The following TRAPPC9 variants were observed in gnomAD, a reference collection of about 807,000 sequenced individuals.
TRAPPC9 encodes IKK2 binding protein.
Under a neutral mutation model 124.0 loss-of-function variants are expected in TRAPPC9, and 83 were observed. The observed-to-expected ratio is 0.67, with a 90% CI of 0.56 to 0.80. The LOEUF (loss-of-function observed/expected upper bound fraction) is 0.80. TRAPPC9 is among the 30% of genes least tolerant of loss of function. The probability of loss-of-function intolerance (pLI) is 0.00; values close to 1 mark genes in which losing one functional copy is unlikely to be tolerated. For missense variants in TRAPPC9, 1,302 were observed against 1,508.3 expected (o/e 0.86, Z 2.27); for synonymous variants, 638 against 617.5 (o/e 1.03, Z -0.49).
chr8:139,956,374 G>A (rs2665925), intron 19 of TRAPPC9, among the ~76,000 whole-genome samples: 135,129 of 152,092 alleles, frequency 0.89, 60,178 homozygotes, highest in Middle Eastern at 0.99. Context: ...TGTTTGCCAC[G>A]CTGGTCTCAA....
In TRAPPC9 at chr8:140,037,340, T is replaced by C. The variant is rs1158280339; in HGVS notation, c.2557-13261A>G. ...TGGAAAGAGTGCTGTAAGTACCAGC[T>C]AATATTATTATTACTAAATCAGTAT... On this transcript the variant is annotated intron_variant, in intron 17 of 22. Coordinates refer to ENST00000438773, the MANE Select transcript of TRAPPC9 (RefSeq NM_001160372.4). 2.0e-5 allele frequency among the ~76,000 whole-genome samples: 3 copies of C among 151,548 alleles called. No individual in the cohort carries two copies. In the East Asian group the frequency reaches 5.8e-4, roughly 30 times the overall value.
At chr8:140,121,300 G>A (rs937997205) in intron 17 of TRAPPC9, among the ~76,000 whole-genome samples, 1 of 152,232 alleles carries the variant, frequency 6.6e-6, no homozygotes, top group East Asian at 1.9e-4. Context: ...CATGGGCCTG[G>A]GTGTTGTTGG....
At chr8:140,261,032 A>G (rs2064393753) in intron 15 of TRAPPC9, among the ~76,000 whole-genome samples, 2 of 152,234 alleles carry the variant, frequency 1.3e-5, no homozygotes, top group African/African-American at 4.8e-5. Context: ...AGCTCTTTGA[A>G]CATGGGCAGT....
At chr8:139,932,905 TA>T (rs3060603) in intron 19 of TRAPPC9, 62,061 of 152,970 alleles carry the variant, frequency 0.41, 11,747 homozygotes, top group East Asian at 0.66. Context: ...CATAAGCTGG[TA>T]AAAAAAAAAA....
intron 17 of TRAPPC9, among the ~76,000 whole-genome samples, chr8:140,138,011 TAGC>T (rs1240761960): frequency 6.6e-6 from 1 of 152,208 alleles, no homozygotes; most frequent in Non-Finnish European, 1.5e-5. Context: ...ATAATTAAAA[TAGC>T]AGCTGACCGG....
intron 14 of TRAPPC9, among the ~76,000 whole-genome samples, chr8:140,276,866 T>C (rs1213994077): frequency 6.6e-6 from 1 of 152,100 alleles, no homozygotes; most frequent in East Asian, 1.9e-4. Context: ...CCCCACTACC[T>C]TCTTCCTGTC....
At chr8:140,331,262 A>G (rs2066888180) in intron 9 of TRAPPC9, among the ~76,000 whole-genome samples, 2 of 152,192 alleles carry the variant, frequency 1.3e-5, no homozygotes, top group South Asian at 2.1e-4. Flanking sequence ...AAAACTGGAT[A>G]TAAGTATGCA....
At chr8:140,031,248 A>T (rs1305485312) in intron 17 of TRAPPC9, among the ~76,000 whole-genome samples, 1 of 152,104 alleles carries the variant, frequency 6.6e-6, no homozygotes, top group African/African-American at 2.4e-5. Flanking sequence ...GCTTCATGTG[A>T]CCTGGGAGAA....
chr8:139,947,922 AGC>A (rs1554419341), intron 19 of TRAPPC9, among the ~76,000 whole-genome samples: 1,519 of 77,030 alleles, frequency 0.02, 95 homozygotes, highest in African/African-American at 0.062. Context: ...AGAGAGAGAG[AGC>A]GAGAGAGAGA....
intron 17 of TRAPPC9, among the ~76,000 whole-genome samples, chr8:140,147,876 C>T (rs969877314): frequency 6.6e-6 from 1 of 152,242 alleles, no homozygotes; most frequent in Non-Finnish European, 1.5e-5. Context: ...GTGACCAGAC[C>T]CGGCAGGTCT....
At chr8:140,197,373 G>A (rs374948084) in intron 17 of TRAPPC9, among the ~76,000 whole-genome samples, 5 of 152,330 alleles carry the variant, frequency 3.3e-5, no homozygotes, top group African/African-American at 1.2e-4. Flanking sequence ...AGCCTGTAAA[G>A]AGGGCAGGGC....
intron 21 of TRAPPC9, among the ~76,000 whole-genome samples, chr8:139,738,109 G>A (rs1399600237): frequency 1.3e-5 from 2 of 152,194 alleles, no homozygotes; most frequent in Non-Finnish European, 2.9e-5. Flanking sequence ...CAGGGCCTCT[G>A]GGGATGTTGG....
chr8:140,272,130 C>CGATGATGATGGTGATGGTGGT (rs2064930084), intron 15 of TRAPPC9, among the ~76,000 whole-genome samples: 1,602 of 100,432 alleles, frequency 0.016, 31 homozygotes, highest in African/African-American at 0.052. Flanking sequence ...GTGATGGTGG[C>CGATGATGATGGTGATGGTGGT]GATGGTGATG....
At chr8:139,737,471 C>CCCCCA (rs1554633762) in intron 21 of TRAPPC9, among the ~76,000 whole-genome samples, 1 of 111,036 alleles carries the variant, frequency 9.0e-6, no homozygotes, top group Non-Finnish European at 2.1e-5. Context: ...AGCCCTCCCC[C>CCCCCA]CCCCCCCACG....
At chr8:139,816,335 G>A (rs1487667081) in intron 21 of TRAPPC9, among the ~76,000 whole-genome samples, 4 of 152,242 alleles carry the variant, frequency 2.6e-5, no homozygotes, top group Non-Finnish European at 4.4e-5. Context: ...TGCTGGTGAG[G>A]CTTTGGGGAA....
intron 19 of TRAPPC9, among the ~76,000 whole-genome samples, chr8:139,983,365 C>A (rs1338256403): frequency 6.6e-6 from 1 of 152,178 alleles, no homozygotes; most frequent in Non-Finnish European, 1.5e-5. Context: ...AGCAACTCAG[C>A]ATTTCCATAT....
chr8:140,107,820 G>A (rs1376796811), intron 17 of TRAPPC9, among the ~76,000 whole-genome samples: 1 of 152,302 alleles, frequency 6.6e-6, no homozygotes, highest in East Asian at 1.9e-4. Flanking sequence ...CTGACTGGGG[G>A]TCACGGAGGC....
chr8:139,786,011 A>G (rs1256845110), intron 21 of TRAPPC9, among the ~76,000 whole-genome samples: 8 of 152,058 alleles, frequency 5.3e-5, no homozygotes, highest in African/African-American at 1.7e-4. Context: ...GTTCGAGACC[A>G]GCCTGGCCAA....
At chr8:140,229,040 C>T (rs531063809) in intron 16 of TRAPPC9, among the ~76,000 whole-genome samples, 15 of 152,034 alleles carry the variant, frequency 9.9e-5, no homozygotes, top group Admixed American at 3.3e-4. Flanking sequence ...TTAAGAATGA[C>T]GGTGACAAAC....
Sources: gnomAD v4.1 joint callset for allele counts (sites outside exome capture counted in the v4.1 genomes callset) on GRCh38, gnomAD v4.1.1 for gene constraint, MANE v1.5 for transcripts, NCBI Gene and HGNC (gene_info 2026-07-23, HGNC 2026-07-21) for gene names.